Variants in RERE observed in about 807,000 individuals in gnomAD.
RERE encodes arginine-glutamic acid dipeptide repeats, also known as arginine-glutamic acid dipeptide repeats protein.
Under a neutral mutation model 146.1 loss-of-function variants are expected in RERE, and 40 were observed. The observed-to-expected ratio is 0.27, with a 90% confidence interval of 0.21 to 0.36. The LOEUF (loss-of-function observed/expected upper bound fraction) is 0.36, where lower values mean the gene tolerates loss of function less well. Among genes scored for constraint, RERE ranks in the 10% least tolerant of loss-of-function variants. The pLI, the probability that RERE is intolerant of heterozygous loss-of-function variation, is 1.00. For missense variants in RERE, 1,933 were observed against 2,138.7 expected (o/e 0.90, Z 1.90); for synonymous variants, 1,003 against 866.0 (o/e 1.16, Z -2.78).
chr1:8,377,223 G>C (rs1469685854), intron 12 of RERE, among the ~76,000 whole-genome samples: 1 of 152,166 alleles, frequency 6.6e-6, no homozygotes, highest in African/African-American at 2.4e-5. Flanking sequence ...TGGAAGCCCT[G>C]GGCAGTTCCA....
At chr1:8,636,863 A>T (rs1647107890) in intron 2 of RERE, among the ~76,000 whole-genome samples, 1 of 152,194 alleles carries the variant, frequency 6.6e-6, no homozygotes, top group Admixed American at 6.5e-5. Context: ...CATACAATGG[A>T]GTAACAGAAG....
chr1:8,397,551 T>C (rs776726444), intron 12 of RERE, among the ~76,000 whole-genome samples: 1 of 150,478 alleles, frequency 6.6e-6, no homozygotes, highest in East Asian at 1.9e-4. Context: ...TGATCCCAGT[T>C]ACCAAACTCA....
intron 7 of RERE, chr1:8,512,980 G>C (rs1645362035): frequency 1.3e-5 from 2 of 151,966 alleles, no homozygotes; most frequent in African/African-American, 4.8e-5. Context: ...CCCCAGGCTG[G>C]GCTGGGTAAA....
intron 10 of RERE, among the ~76,000 whole-genome samples, chr1:8,484,411 T>C (rs1644872238): frequency 6.6e-6 from 1 of 150,674 alleles, no homozygotes; most frequent in Non-Finnish European, 1.5e-5. Flanking sequence ...ATTTAATATA[T>C]AAAAATACAA....
At chr1:8,446,881 A>G (rs1241540493) in intron 11 of RERE, among the ~76,000 whole-genome samples, 3 of 150,950 alleles carry the variant, frequency 2.0e-5, no homozygotes, top group Non-Finnish European at 3.0e-5. Context: ...GGGTTTCACC[A>G]TGTTAGGCAG....
At chr1:8,727,641 G>A (rs1209236399) in intron 1 of RERE, among the ~76,000 whole-genome samples, 2 of 152,060 alleles carry the variant, frequency 1.3e-5, no homozygotes, top group Non-Finnish European at 2.9e-5. Flanking sequence ...CTACAGGCAC[G>A]CGCCACCACG....
intron 1 of RERE, among the ~76,000 whole-genome samples, chr1:8,785,361 A>G (rs1460102162): frequency 6.6e-6 from 1 of 152,234 alleles, no homozygotes; most frequent in Non-Finnish European, 1.5e-5. Context: ...ACCAAACACC[A>G]GAATTCAGCA....
intron 12 of RERE, among the ~76,000 whole-genome samples, chr1:8,388,570 T>C (rs953349023): frequency 1.4e-4 from 22 of 151,972 alleles, no homozygotes; most frequent in Non-Finnish European, 2.4e-4. Context: ...CCGCCCGCCT[T>C]GGCCTCCCAA....
At chr1:8,606,393 C>G (rs1320927732) in intron 4 of RERE, among the ~76,000 whole-genome samples, 2 of 151,940 alleles carry the variant, frequency 1.3e-5, no homozygotes, top group Admixed American at 1.3e-4. Flanking sequence ...AAAGCTATAA[C>G]TAAAATTTAC....
At chr1:8,627,492 C>T (rs867803491) in intron 2 of RERE, among the ~76,000 whole-genome samples, 109 of 151,840 alleles carry the variant, frequency 7.2e-4, no homozygotes, top group African/African-American at 2.5e-3. Context: ...ATCCCAGCTA[C>T]TCAGGACTTA....
chr1:8,520,754 T>TCAAAA (rs1557670056), intron 7 of RERE, among the ~76,000 whole-genome samples: 1 of 92,976 alleles, frequency 1.1e-5, no homozygotes, highest in East Asian at 4.8e-4. Flanking sequence ...AAAAACTTTT[T>TCAAAA]AAAAAAAAAA....
chr1:8,754,510 A>G (rs1429869766), intron 1 of RERE, among the ~76,000 whole-genome samples: 1 of 152,162 alleles, frequency 6.6e-6, no homozygotes, highest in Non-Finnish European at 1.5e-5. Flanking sequence ...CTAATTTCAG[A>G]GCTGTCTCAA....
chr1:8,396,151 A>G (rs917377642), intron 12 of RERE, among the ~76,000 whole-genome samples: 3 of 152,066 alleles, frequency 2.0e-5, no homozygotes, highest in Non-Finnish European at 4.4e-5. Flanking sequence ...TTGAAAACCT[A>G]TGCTAATTAT....
At chr1:8,749,900 C>G (rs1390287747) in intron 1 of RERE, among the ~76,000 whole-genome samples, 2 of 152,106 alleles carry the variant, frequency 1.3e-5, no homozygotes, top group Non-Finnish European at 2.9e-5. Context: ...ACCAGTAATT[C>G]CAGCACTTTG....
At chr1:8,457,983 G>A (rs1366889670) in intron 11 of RERE, among the ~76,000 whole-genome samples, 1 of 152,064 alleles carries the variant, frequency 6.6e-6, no homozygotes, top group Non-Finnish European at 1.5e-5. Context: ...TCATGGTAGG[G>A]TTCTCATTTT....
Position 8,572,797 on chromosome 1 carries a change from T to C in RERE, c.523-15274A>G, listed in dbSNP as rs527447572. Among the ~76,000 whole-genome samples, 406 of 152,340 alleles carry C rather than the reference T, an allele frequency of 2.7e-3. 2 individuals are homozygous for C. The highest frequency in any genetic ancestry group is 9.3e-3 in the African/African-American group (387 of 41,584). ...ATGTCCAATAACGGTTAAGTGCTTT[T>C]AGAAAGTTATGATGAATGAAATCTG... On this transcript the variant is annotated intron_variant, in intron 4 of 22. Transcript: ENST00000400908.
intron 1 of RERE, among the ~76,000 whole-genome samples, chr1:8,726,036 T>C (rs1639956543): frequency 6.6e-6 from 1 of 151,918 alleles, no homozygotes; most frequent in Non-Finnish European, 1.5e-5. Context: ...AAAGACATAT[T>C]AGCTATAAAG....
At chr1:8,748,824 A>G (rs1302297234) in intron 1 of RERE, among the ~76,000 whole-genome samples, 1 of 152,204 alleles carries the variant, frequency 6.6e-6, no homozygotes, top group Admixed American at 6.5e-5. Context: ...TTCTTATCCA[A>G]TCAAAACTGC....
At chr1:8,474,353 G>A (rs982330593) in intron 10 of RERE, among the ~76,000 whole-genome samples, 12 of 152,088 alleles carry the variant, frequency 7.9e-5, no homozygotes, top group Non-Finnish European at 1.3e-4. Flanking sequence ...CCACCTTAAC[G>A]CATGGTTATA....
Sources: allele counts gnomAD v4.1 joint callset (sites outside exome capture counted in the v4.1 genomes callset), GRCh38; gene constraint gnomAD v4.1.1; transcripts MANE v1.5; gene names NCBI Gene and HGNC (gene_info 2026-07-23, HGNC 2026-07-21).